The following RNF121 variants were observed in gnomAD, a reference collection of about 807,000 sequenced individuals.
The protein encoded by RNF121 is ring finger protein 121.
Under a neutral mutation model 46.5 loss-of-function variants are expected in RNF121, and 21 were observed. That is an observed-to-expected ratio of 0.45 (90% CI 0.32 to 0.65). The LOEUF (loss-of-function observed/expected upper bound fraction) is 0.65, where lower values mean the gene tolerates loss of function less well. Among genes scored for constraint, RNF121 ranks in the 30% least tolerant of loss-of-function variants. RNF121 has a pLI of 0.04. For missense variants in RNF121, 346 were observed against 416.0 expected (o/e 0.83, Z 1.46); for synonymous variants, 139 against 144.7 (o/e 0.96, Z 0.28).
At chr11:71,994,616 C>T in intron 6 of RNF121, 103 bp from the exon 7 acceptor site, 2 of 1,369,142 alleles carry the variant, frequency 1.5e-6, no homozygotes, top group South Asian at 2.5e-5. Context: ...CTCCCGCTGC[C>T]ACTGTGCCTC....
rs568664034 is a variant in RNF121 at position 71,950,714 on chromosome 11, G to A, written c.64-6513G>A. On this transcript the variant is annotated intron_variant, in intron 1 of 8. Coordinates refer to ENST00000361756, the MANE Select transcript of RNF121 (RefSeq NM_018320.5). ...GTCTCCCAGGCTGGAGTGCAGTGGC[G>A]CGGTCTTGGCTCACTGCAAGCTCCG... Among the ~76,000 whole-genome samples, 3 of 151,732 alleles carry A rather than the reference G, an allele frequency of 2.0e-5. No individual in the cohort carries two copies. In the East Asian group the frequency reaches 5.9e-4, roughly 30 times the overall value.
chr11:71,946,577 G>T, intron 1 of RNF121, among the ~76,000 whole-genome samples: 1 of 151,374 alleles, frequency 6.6e-6, no homozygotes, highest in East Asian at 1.9e-4. Context: ...CAAATATATA[G>T]CAGTATAAAA....
Position 71,964,631 on chromosome 11 carries a change from C to T in RNF121, c.243+3740C>T, listed in dbSNP as rs147834120. Among the ~76,000 whole-genome samples, 673 of 152,248 alleles carry T rather than the reference C, an allele frequency of 4.4e-3. 7 individuals carry two copies. Among genetic ancestry groups the T allele is most frequent in the African/African-American group, 0.016 (644 of 41,532 alleles). On this transcript the variant is annotated intron_variant, in intron 3 of 8. Coordinates refer to ENST00000361756, the MANE Select transcript of RNF121 (RefSeq NM_018320.5). Reference sequence around the variant, plus strand: ...TAGCTGGGACTACACGCGCACACCACAGCACCAGGCTAATTTTTTGTATTT... The same window carrying T: ...TAGCTGGGACTACACGCGCACACCATAGCACCAGGCTAATTTTTTGTATTT...
Position 71,997,175 on chromosome 11 carries a change from CCTT to C in RNF121, c.*864_*866del. ...CAGCGGTCACTCTGCCACATCACTT[CCTT>C]CTTGAAAGCCTAAGAGTGCGTATGC... On this transcript the variant is annotated 3_prime_UTR_variant, in exon 9 of 9. Coordinates refer to ENST00000361756, the MANE Select transcript of RNF121 (RefSeq NM_018320.5). 6.6e-6 allele frequency: 1 copy of C among 151,338 alleles called. No individual in the cohort carries two copies. The highest frequency in any genetic ancestry group is 2.0e-4 in the East Asian group (1 of 5,102). 9.4% of individuals were successfully genotyped at this position (151,338 alleles called of 1,614,324 possible).
rs187107729 is a variant in RNF121 at position 71,993,904 on chromosome 11, G to A, written c.628-815G>A. On this transcript the variant is annotated intron_variant, in intron 6 of 8. Transcript: ENST00000361756. ...TGCCCAGGCTGGAGTGCAGTGGTGC[G>A]ATCTCGGCTCACTGCAAGCTCTGCC... 1.1e-3 allele frequency among the ~76,000 whole-genome samples: 168 copies of A among 148,560 alleles called. 1 individual carries two copies. Among genetic ancestry groups the A allele is most frequent in the African/African-American group, 4.1e-3 (166 of 40,146 alleles).
chr11:71,984,531 C>G (rs563155289), intron 4 of RNF121, among the ~76,000 whole-genome samples: 21 of 152,178 alleles, frequency 1.4e-4, no homozygotes, highest in African/African-American at 5.1e-4. Context: ...CTGCCTGCCT[C>G]AACCTCCCAA....
intron 3 of RNF121, among the ~76,000 whole-genome samples, chr11:71,971,879 G>A (rs558628644): frequency 2.0e-5 from 3 of 152,182 alleles, no homozygotes; most frequent in East Asian, 3.9e-4. Flanking sequence ...CTGAGTCAGC[G>A]AATATACACA....
intron 6 of RNF121, 29 bp downstream of exon 6, chr11:71,990,746 C>T: frequency 6.2e-7 from 1 of 1,610,850 alleles, no homozygotes; most frequent in Non-Finnish European, 8.5e-7. Context: ...TTAAATACTG[C>T]TTCTTGACAC....
At chr11:71,963,275 A>C (rs980491548) in intron 3 of RNF121, among the ~76,000 whole-genome samples, 3 of 152,110 alleles carry the variant, frequency 2.0e-5, no homozygotes, top group Non-Finnish European at 4.4e-5. Context: ...ATATCTAAGA[A>C]TCCATTGCCA....
At chr11:71,976,085 G>C (rs931645709) in intron 3 of RNF121, among the ~76,000 whole-genome samples, 11 of 152,146 alleles carry the variant, frequency 7.2e-5, no homozygotes, top group Non-Finnish European at 1.5e-4. Context: ...TGACTCTTCA[G>C]ATATCATTTA....
intron 1 of RNF121, among the ~76,000 whole-genome samples, chr11:71,943,008 A>T (rs1953621888): frequency 6.6e-6 from 1 of 152,060 alleles, no homozygotes; most frequent in Non-Finnish European, 1.5e-5. Context: ...AATCCCATTC[A>T]TGAGGTCTCC....
At chr11:71,964,786 C>T (rs1954234263) in intron 3 of RNF121, among the ~76,000 whole-genome samples, 1 of 152,026 alleles carries the variant, frequency 6.6e-6, no homozygotes, top group Non-Finnish European at 1.5e-5. Flanking sequence ...GTATTATAAG[C>T]TGTGTTTTAG....
intron 1 of RNF121, 39 bp downstream of exon 1, chr11:71,929,163 G>C: frequency 6.5e-7 from 1 of 1,542,592 alleles, no homozygotes; most frequent in Non-Finnish European, 8.8e-7. Flanking sequence ...CTCAACCTGA[G>C]ACTGAGGGGA....
chr11:71,937,469 G>A (rs1047899336), intron 1 of RNF121, among the ~76,000 whole-genome samples: 3 of 152,012 alleles, frequency 2.0e-5, no homozygotes, highest in African/African-American at 4.8e-5. Flanking sequence ...CTGCCACCAT[G>A]CCCAGCTAAT....
chr11:71,990,178 T>G (rs571550612), intron 5 of RNF121, among the ~76,000 whole-genome samples: 1 of 152,322 alleles, frequency 6.6e-6, no homozygotes, highest in South Asian at 2.1e-4. Flanking sequence ...GCTCAGCTGT[T>G]TCAACTTGAG....
chr11:71,965,472 C>G (rs1384543433), intron 3 of RNF121, among the ~76,000 whole-genome samples: 1 of 152,044 alleles, frequency 6.6e-6, no homozygotes. Context: ...TCAGGAACTC[C>G]TGGGCTGAAG....
intron 1 of RNF121, among the ~76,000 whole-genome samples, chr11:71,929,909 C>T (rs1365662921): frequency 1.3e-5 from 2 of 152,130 alleles, no homozygotes. Flanking sequence ...GGGAAGGCTT[C>T]CCGGAGTTGC....
At chr11:71,946,347 ATGAG>A (rs1302515198) in intron 1 of RNF121, among the ~76,000 whole-genome samples, 1 of 152,232 alleles carries the variant, frequency 6.6e-6, no homozygotes, top group Admixed American at 6.5e-5. Context: ...AAACATTTTG[ATGAG>A]TGAAAGAAGA....
chr11:71,990,028 C>G (rs1954836525), intron 5 of RNF121, among the ~76,000 whole-genome samples: 1 of 152,178 alleles, frequency 6.6e-6, no homozygotes, highest in Non-Finnish European at 1.5e-5. Context: ...GGCCAGGTCT[C>G]AGGTAGTGGG....
Sources: gnomAD v4.1 joint callset for allele counts (sites outside exome capture counted in the v4.1 genomes callset) on GRCh38, gnomAD v4.1.1 for gene constraint, MANE v1.5 for transcripts, NCBI Gene and HGNC (gene_info 2026-07-23, HGNC 2026-07-21) for gene names.